Variants in DNER observed in about 807,000 individuals in gnomAD.
DNER encodes delta and Notch-like epidermal growth factor-related receptor.
DNER carries 33 observed loss-of-function variants against 78.2 expected under a neutral mutation model. The ratio of observed to expected loss-of-function variants is 0.42; its 90% confidence interval spans 0.32 to 0.56. DNER has a LOEUF of 0.56. Among genes scored for constraint, DNER ranks in the 20% least tolerant of loss-of-function variants. The pLI, the probability that DNER is intolerant of heterozygous loss-of-function variation, is 0.11. For missense variants in DNER, 918 were observed against 975.3 expected, an observed-to-expected ratio of 0.94 and a Z score of 0.78; for synonymous variants, 417 against 384.8, an observed-to-expected ratio of 1.08 and a Z score of -0.98.
intron 7 of DNER, among the ~76,000 whole-genome samples, chr2:229,450,797 C>T (rs1694438630): frequency 6.6e-6 from 1 of 152,224 alleles, no homozygotes; most frequent in African/African-American, 2.4e-5. Flanking sequence ...TCCTGAGCTT[C>T]CAGCCTCCAG....
At chr2:229,627,862 G>A (rs568537295) in intron 1 of DNER, among the ~76,000 whole-genome samples, 1 of 152,336 alleles carries the variant, frequency 6.6e-6, no homozygotes, top group East Asian at 1.9e-4. Context: ...TATAGCCCCA[G>A]GGGCACTGCA....
chr2:229,414,320 G>A (rs1310087330), intron 9 of DNER, among the ~76,000 whole-genome samples: 1 of 152,174 alleles, frequency 6.6e-6, no homozygotes, highest in African/African-American at 2.4e-5. Context: ...AGGCTGGAGT[G>A]CAGTGGTGTG....
intron 11 of DNER, among the ~76,000 whole-genome samples, chr2:229,387,475 T>G (rs1187264458): frequency 3.8e-5 from 3 of 78,040 alleles, no homozygotes; most frequent in Non-Finnish European, 8.3e-5. Context: ...TAAAGTATAA[T>G]AGAAAGAAAA....
At chr2:229,710,669 T>C (rs1699895502) in intron 1 of DNER, among the ~76,000 whole-genome samples, 1 of 152,146 alleles carries the variant, frequency 6.6e-6, no homozygotes, top group Non-Finnish European at 1.5e-5. Flanking sequence ...TTTAAGATGT[T>C]TGCATGTGTT....
At chr2:229,595,982 T>G (rs1697706406) in intron 1 of DNER, among the ~76,000 whole-genome samples, 1 of 137,268 alleles carries the variant, frequency 7.3e-6, no homozygotes, top group Non-Finnish European at 1.7e-5. Context: ...CCTTCTTTCC[T>G]TGCTTTTTTT....
At chr2:229,693,948 GC>G (rs763960987) in intron 1 of DNER, among the ~76,000 whole-genome samples, 10 of 152,222 alleles carry the variant, frequency 6.6e-5, no homozygotes, top group Non-Finnish European at 1.2e-4. Flanking sequence ...CTTCACAGCA[GC>G]CCCTCCTATC....
intron 11 of DNER, among the ~76,000 whole-genome samples, chr2:229,375,140 G>T (rs1194811857): frequency 6.6e-6 from 1 of 152,166 alleles, no homozygotes; most frequent in Admixed American, 6.6e-5. Context: ...TAACCCAAAA[G>T]TATCTAGTTT....
chr2:229,388,674 A>G (rs1460065580), intron 10 of DNER, among the ~76,000 whole-genome samples: 2 of 126,690 alleles, frequency 1.6e-5, no homozygotes, highest in African/African-American at 6.0e-5. Context: ...TCTTTCCTTT[A>G]GTGTACTTAA....
intron 6 of DNER, among the ~76,000 whole-genome samples, chr2:229,507,224 A>C (rs911281837): frequency 6.6e-6 from 1 of 152,248 alleles, no homozygotes; most frequent in African/African-American, 2.4e-5. Context: ...AAAATACAGC[A>C]TTGTAATCTT....
At chr2:229,653,103 C>T (rs1052403358) in intron 1 of DNER, among the ~76,000 whole-genome samples, 3 of 152,196 alleles carry the variant, frequency 2.0e-5, no homozygotes, top group Non-Finnish European at 4.4e-5. Context: ...TTTCCACTTG[C>T]TTCTGTACTC....
intron 1 of DNER, among the ~76,000 whole-genome samples, chr2:229,681,242 T>C (rs1456967197): frequency 6.6e-6 from 1 of 152,158 alleles, no homozygotes; most frequent in Non-Finnish European, 1.5e-5. Context: ...ACACCACTTA[T>C]ATAAGAAGAA....
intron 1 of DNER, among the ~76,000 whole-genome samples, chr2:229,615,123 C>T (rs1190939050): frequency 1.3e-5 from 2 of 152,276 alleles, no homozygotes; most frequent in African/African-American, 4.8e-5. Flanking sequence ...TAGAATTGTT[C>T]TGTAGAGGCC....
intron 2 of DNER, among the ~76,000 whole-genome samples, chr2:229,590,903 G>A (rs746703572): frequency 2.6e-5 from 4 of 152,168 alleles, no homozygotes; most frequent in African/African-American, 4.8e-5. Context: ...ACTTAGCACC[G>A]TCCCCTTGGT....
chr2:229,512,195 C>T (rs1695876421), intron 6 of DNER, among the ~76,000 whole-genome samples: 1 of 151,994 alleles, frequency 6.6e-6, no homozygotes, highest in Non-Finnish European at 1.5e-5. Context: ...CCAGCCTAGC[C>T]AACATGATGA....
At chr2:229,504,130 G>T (rs759793) in intron 6 of DNER, among the ~76,000 whole-genome samples, 16,241 of 152,226 alleles carry the variant, frequency 0.11, 1,778 homozygotes, top group African/African-American at 0.27. Context: ...ATGCACACAT[G>T]AGTGTACACA....
chr2:229,482,182 C>T (rs891141333), intron 6 of DNER, among the ~76,000 whole-genome samples: 6 of 152,226 alleles, frequency 3.9e-5, no homozygotes, highest in African/African-American at 1.2e-4. Context: ...CACAAGCATT[C>T]GTGAACCACC....
Position 229,421,414 on chromosome 2 carries a change from T to G in DNER, c.1487-3184A>C, listed in dbSNP as rs1246650634. Among the ~76,000 whole-genome samples, 4 of 151,420 alleles carry G rather than the reference T, an allele frequency of 2.6e-5. No homozygotes were observed. In the East Asian group the frequency reaches 7.7e-4, roughly 29 times the overall value. Reference sequence around the variant, plus strand: ...TTAAACATTTGTTAAGAAGGTACATTTAATGCTGTGTTTTTTTACCACTAT... The same window carrying G: ...TTAAACATTTGTTAAGAAGGTACATGTAATGCTGTGTTTTTTTACCACTAT... On this transcript the variant is annotated intron_variant, in intron 8 of 12. Transcript: ENST00000341772.
At chr2:229,498,026 C>T (rs537669327) in intron 6 of DNER, among the ~76,000 whole-genome samples, 1 of 151,802 alleles carries the variant, frequency 6.6e-6, no homozygotes, top group Admixed American at 6.6e-5. Flanking sequence ...AAAAAATTCT[C>T]AAAAAAACAC....
At chr2:229,461,729 G>A (rs1372202115) in intron 7 of DNER, among the ~76,000 whole-genome samples, 1 of 152,076 alleles carries the variant, frequency 6.6e-6, no homozygotes, top group Non-Finnish European at 1.5e-5. Context: ...TCCTTGAAGA[G>A]TAGAAAATGA....
Sources: gnomAD v4.1 joint callset for allele counts (sites outside exome capture counted in the v4.1 genomes callset) on GRCh38, gnomAD v4.1.1 for gene constraint, MANE v1.5 for transcripts, NCBI Gene and HGNC (gene_info 2026-07-23, HGNC 2026-07-21) for gene names.